KIZ: variants seen among roughly 807,000 people sequenced by gnomAD.
KIZ encodes kizuna centrosomal protein.
KIZ carries 68 observed loss-of-function variants against 79.6 expected under a neutral mutation model. The ratio of observed to expected loss-of-function variants is 0.85; its 90% CI spans 0.70 to 1.05. The LOEUF (loss-of-function observed/expected upper bound fraction) is 1.05, where lower values mean the gene tolerates loss of function less well. Ranked by LOEUF, KIZ falls within the 50% of genes least tolerant of loss-of-function variation. KIZ has a pLI of 0.00. For missense variants in KIZ, 797 were observed against 800.4 expected, an observed-to-expected ratio of 1.00 and a Z score of 0.05; for synonymous variants, 280 against 281.8, an observed-to-expected ratio of 0.99 and a Z score of 0.06.
intron 4 of KIZ, among the ~76,000 whole-genome samples, chr20:21,157,740 A>G (rs897431340): frequency 1.3e-5 from 2 of 152,124 alleles, no homozygotes; most frequent in Non-Finnish European, 2.9e-5. Context: ...GGCCCTCCTC[A>G]GGTGTCTTTC....
chr20:21,190,370 A>T (rs1319771059), intron 6 of KIZ, among the ~76,000 whole-genome samples: 1 of 152,260 alleles, frequency 6.6e-6, no homozygotes, highest in Non-Finnish European at 1.5e-5. Flanking sequence ...ACACCTCTGT[A>T]AAAGGATTAG....
chr20:21,196,158 T>C (rs1249741322), intron 6 of KIZ: 1 of 152,238 alleles, frequency 6.6e-6, no homozygotes, highest in African/African-American at 2.4e-5. Flanking sequence ...TTCCAGAGTT[T>C]CATATTGAAT....
At chr20:21,214,243 T>C (rs1169608516) in intron 7 of KIZ, among the ~76,000 whole-genome samples, 1 of 151,972 alleles carries the variant, frequency 6.6e-6, no homozygotes, top group Non-Finnish European at 1.5e-5. Flanking sequence ...TTAACAGAGG[T>C]GGTCACGTTT....
intron 1 of KIZ, among the ~76,000 whole-genome samples, chr20:21,130,605 G>A (rs1477330681): frequency 6.6e-6 from 1 of 151,824 alleles, no homozygotes; most frequent in Admixed American, 6.6e-5. Context: ...TTAAAAATGT[G>A]TGTTTTTGTA....
intron 3 of KIZ, among the ~76,000 whole-genome samples, chr20:21,144,375 G>C (rs2032736057): frequency 6.6e-6 from 1 of 152,138 alleles, no homozygotes; most frequent in Admixed American, 6.5e-5. Flanking sequence ...AATCTGTAAA[G>C]GATGCCTGTT....
At chr20:21,238,222 T>G (rs79248076) in intron 11 of KIZ, among the ~76,000 whole-genome samples, 3,355 of 152,100 alleles carry the variant, frequency 0.022, 123 homozygotes, top group African/African-American at 0.076. Context: ...TAGTTTGTTT[T>G]TTTTTTTTTT....
At chr20:21,218,893 T>C (rs1018634665) in intron 9 of KIZ, among the ~76,000 whole-genome samples, 2 of 152,250 alleles carry the variant, frequency 1.3e-5, no homozygotes, top group Non-Finnish European at 2.9e-5. Flanking sequence ...TGACAGCTGC[T>C]TGTTACAGCT....
chr20:21,127,701 A>G (rs540603606), intron 1 of KIZ, among the ~76,000 whole-genome samples: 1 of 152,330 alleles, frequency 6.6e-6, no homozygotes, highest in Non-Finnish European at 1.5e-5. Flanking sequence ...GGACACAGTT[A>G]TAGAGGCAAA....
intron 3 of KIZ, among the ~76,000 whole-genome samples, chr20:21,144,661 A>G (rs1405997619): frequency 1.3e-5 from 2 of 152,048 alleles, no homozygotes; most frequent in Non-Finnish European, 2.9e-5. Flanking sequence ...ATTTTGAGGG[A>G]AACAAATCAG....
chr20:21,178,470 A>G (rs141518354), intron 6 of KIZ, among the ~76,000 whole-genome samples: 160 of 150,732 alleles, frequency 1.1e-3, no homozygotes, highest in Non-Finnish European at 1.8e-3. Context: ...TTCTAACAGT[A>G]TGCATCTGTG....
chr20:21,169,627 G>C (rs6132402), intron 6 of KIZ, among the ~76,000 whole-genome samples: 86,171 of 151,928 alleles, frequency 0.57, 26,479 homozygotes, highest in South Asian at 0.78. Flanking sequence ...GACACATGCA[G>C]ACGTATGTTT....
At chr20:21,211,895 C>G (rs2036083712) in intron 7 of KIZ, among the ~76,000 whole-genome samples, 1 of 152,172 alleles carries the variant, frequency 6.6e-6, no homozygotes, top group African/African-American at 2.4e-5. Context: ...TCGAGACCAG[C>G]CTGGCCAACA....
chr20:21,133,894 C>A (rs2032005921), intron 2 of KIZ, among the ~76,000 whole-genome samples: 1 of 152,226 alleles, frequency 6.6e-6, no homozygotes, highest in Non-Finnish European at 1.5e-5. Flanking sequence ...AGTGTCTAAT[C>A]CTGCGAAAGG....
intron 6 of KIZ, chr20:21,166,614 A>G (rs1600431689): frequency 1.9e-6 from 2 of 1,080,542 alleles, no homozygotes; most frequent in Non-Finnish European, 1.3e-6. Flanking sequence ...GTGCGGAAAG[A>G]GCTTTTGTAT....
chr20:21,181,752 C>T (rs771752353), intron 6 of KIZ, among the ~76,000 whole-genome samples: 1 of 152,206 alleles, frequency 6.6e-6, no homozygotes, highest in Non-Finnish European at 1.5e-5. Flanking sequence ...AGCCACTGCA[C>T]CTGGCTTCTG....
In KIZ at chr20:21,241,607, C is replaced by T. The variant is rs532321315; in HGVS notation, c.1881-2638C>T. 6.6e-5 allele frequency among the ~76,000 whole-genome samples: 10 copies of T among 152,348 alleles called. No individual in the cohort carries two copies. The South Asian group carries it at 1.4e-3, about 22-fold the overall frequency. ...TGTGGCTTAAATGTTCTCAAAGCTACACTGTGTAACCACAGGACAAACAGA... is the reference window on the plus strand; with the variant it reads ...TGTGGCTTAAATGTTCTCAAAGCTATACTGTGTAACCACAGGACAAACAGA... On this transcript the variant is annotated intron_variant, in intron 11 of 12. Coordinates refer to ENST00000619189, the MANE Select transcript of KIZ (RefSeq NM_018474.6).
intron 6 of KIZ, among the ~76,000 whole-genome samples, chr20:21,168,587 A>G (rs1330994987): frequency 1.3e-5 from 2 of 152,210 alleles, no homozygotes; most frequent in African/African-American, 2.4e-5. Flanking sequence ...AACTACTTTA[A>G]AGTTCATATA....
chr20:21,239,918 CA>C (rs1378897202), intron 11 of KIZ, among the ~76,000 whole-genome samples: 1 of 152,058 alleles, frequency 6.6e-6, no homozygotes, highest in African/African-American at 2.4e-5. Context: ...AAGCAGTTAC[CA>C]AAATGCATCC....
In KIZ at chr20:21,162,522, T is replaced by C. The variant is rs748166408; in HGVS notation, c.1042+15T>C. The stretch of plus-strand genomic sequence containing the variant: ...AGGTGTTTCAGGTGGGATGAGAGGC[T>C]GAGTTTGGTTGCTGATTTTTCTGGG... On this transcript the variant is annotated intron_variant, in intron 5 of 12. Transcript: ENST00000619189. 1 of 1,590,594 alleles carries C rather than the reference T, an allele frequency of 6.3e-7. No individual in the cohort carries two copies. The highest frequency in any genetic ancestry group is 8.6e-7 in the Non-Finnish European group (1 of 1,168,266).
Sources: gnomAD v4.1 joint callset for allele counts (sites outside exome capture counted in the v4.1 genomes callset) on GRCh38, gnomAD v4.1.1 for gene constraint, MANE v1.5 for transcripts, NCBI Gene and HGNC (gene_info 2026-07-23, HGNC 2026-07-21) for gene names.